The following EYS variants were observed in gnomAD, a reference collection of about 807,000 sequenced individuals.
EYS encodes protein eyes shut homolog.
EYS carries 250 observed loss-of-function variants against 282.1 expected under a neutral mutation model. The observed-to-expected ratio is 0.89, with a 90% CI of 0.80 to 0.98. EYS has a LOEUF of 0.98. Among genes scored for constraint, EYS ranks in the 50% least tolerant of loss-of-function variants. The pLI, the probability that EYS is intolerant of heterozygous loss-of-function variation, is 0.00. For synonymous variants in EYS, 1,355 were observed against 1,282.9 expected, an observed-to-expected ratio of 1.06 and a Z score of -1.20; for missense variants, 4,016 against 3,709.0, an observed-to-expected ratio of 1.08 and a Z score of -2.15.
intron 2 of EYS, among the ~76,000 whole-genome samples, chr6:65,611,836 A>G (rs923928933): frequency 1.3e-5 from 2 of 152,078 alleles, no homozygotes; most frequent in African/African-American, 2.4e-5. Flanking sequence ...CAGGATCGTT[A>G]AAAGATCCCC....
intron 7 of EYS, among the ~76,000 whole-genome samples, chr6:65,390,849 A>T (rs915012572): frequency 6.6e-6 from 1 of 152,060 alleles, no homozygotes; most frequent in African/African-American, 2.4e-5. Flanking sequence ...ACAACACTAC[A>T]TGCCAGCCTG....
intron 22 of EYS, among the ~76,000 whole-genome samples, chr6:64,766,151 C>T (rs1187193255): frequency 6.6e-6 from 1 of 151,322 alleles, no homozygotes; most frequent in African/African-American, 2.4e-5. Flanking sequence ...TGGTCTTAAA[C>T]TCCTGACCTC....
chr6:64,588,849 GA>G (rs145778997), intron 26 of EYS, among the ~76,000 whole-genome samples: 14,925 of 151,982 alleles, frequency 0.098, 908 homozygotes, highest in East Asian at 0.17. Context: ...AGAAAGGCAA[GA>G]AAAACTGGAA....
At chr6:65,574,045 A>G (rs1764571753) in intron 2 of EYS, among the ~76,000 whole-genome samples, 1 of 152,154 alleles carries the variant, frequency 6.6e-6, no homozygotes, top group Non-Finnish European at 1.5e-5. Flanking sequence ...ACAGTAACCA[A>G]CATGGCAGTG....
intron 12 of EYS, among the ~76,000 whole-genome samples, chr6:65,231,609 T>G (rs571096885): frequency 6.6e-6 from 1 of 151,866 alleles, no homozygotes; most frequent in Non-Finnish European, 1.5e-5. Flanking sequence ...AGGATAAATG[T>G]GCTATCAAGG....
chr6:65,432,750 T>G (rs544057511), intron 5 of EYS, among the ~76,000 whole-genome samples: 2 of 152,252 alleles, frequency 1.3e-5, no homozygotes, highest in African/African-American at 4.8e-5. Flanking sequence ...TTGAGCAGAA[T>G]TGTTCTCCCT....
Position 64,912,746 on chromosome 6 carries a change from G to T in EYS, c.2382-3C>A. 7.5e-7 allele frequency: 1 copy of T among 1,326,792 alleles called. No homozygotes were observed. The highest frequency in any genetic ancestry group is 9.7e-7 in the Non-Finnish European group (1 of 1,028,856). The allele number at this position is 1,326,792 out of a possible 1,614,324, so 82.2% of individuals were successfully genotyped here. A position where few individuals can be genotyped will look rare whatever the true frequency, so the allele number is the denominator to read the frequency against. ...TCCATCCAGATGTACACTCACATCT[G>T]AAATAAAATATTAAAATTTTTAGAA... On this transcript the variant is annotated splice_region_variant and splice_polypyrimidine_tract_variant and intron_variant, in intron 15 of 42. Transcript: ENST00000503581.
chr6:64,892,783 G>A (rs1217053585), intron 18 of EYS, among the ~76,000 whole-genome samples: 2 of 152,020 alleles, frequency 1.3e-5, no homozygotes, highest in African/African-American at 2.4e-5. Context: ...AAATTCTCTA[G>A]TAGAATAAAC....
At chr6:64,434,602 A>C (rs1328302347) in intron 28 of EYS, among the ~76,000 whole-genome samples, 1 of 152,160 alleles carries the variant, frequency 6.6e-6, no homozygotes, top group East Asian at 1.9e-4. Flanking sequence ...AGCATGGTTC[A>C]TGGGGCCTGT....
At chr6:65,608,065 A>G (rs1765862437) in intron 2 of EYS, among the ~76,000 whole-genome samples, 1 of 152,034 alleles carries the variant, frequency 6.6e-6, no homozygotes, top group African/African-American at 2.4e-5. Flanking sequence ...AATGATATAG[A>G]TAAGTGTCAC....
chr6:65,072,288 A>G (rs1391918448), intron 12 of EYS, among the ~76,000 whole-genome samples: 1 of 151,790 alleles, frequency 6.6e-6, no homozygotes, highest in Non-Finnish European at 1.5e-5. Context: ...AGAAGACTAG[A>G]CAATAGTAGG....
At chr6:64,139,928 A>T (rs961815167) in intron 31 of EYS, among the ~76,000 whole-genome samples, 1 of 151,922 alleles carries the variant, frequency 6.6e-6, no homozygotes, top group Non-Finnish European at 1.5e-5. Context: ...AGATCGCACC[A>T]CTGCACTCCA....
In EYS at chr6:65,544,338, G is replaced by A. The variant is rs551816701; in HGVS notation, c.-332-48345C>T. ...TCCAATTTAATAGTTGCATCTGGCCGGTAACTTTGGCTAAAATTATTTTTG... is the reference window on the plus strand; with the variant it reads ...TCCAATTTAATAGTTGCATCTGGCCAGTAACTTTGGCTAAAATTATTTTTG... On this transcript the variant is annotated intron_variant, in intron 2 of 42. Coordinates refer to ENST00000503581, the MANE Select transcript of EYS (RefSeq NM_001142800.2). 7.2e-5 allele frequency among the ~76,000 whole-genome samples: 11 copies of A among 152,176 alleles called. No individual in the cohort carries two copies. The South Asian group carries it at 8.3e-4, about 11-fold the overall frequency.
chr6:63,795,082 A>AT (rs1277427993), intron 37 of EYS, among the ~76,000 whole-genome samples: 1 of 152,224 alleles, frequency 6.6e-6, no homozygotes, highest in Non-Finnish European at 1.5e-5. Context: ...AGGAAAAAAA[A>AT]CTGGATCTCT....
intron 35 of EYS, among the ~76,000 whole-genome samples, chr6:63,917,228 C>G (rs1764447327): frequency 6.6e-6 from 1 of 152,226 alleles, no homozygotes; most frequent in African/African-American, 2.4e-5. Flanking sequence ...TCAGGGCCAT[C>G]TTTCTGAAGG....
intron 31 of EYS, among the ~76,000 whole-genome samples, chr6:64,220,453 A>G (rs1182204674): frequency 6.6e-6 from 1 of 152,150 alleles, no homozygotes; most frequent in African/African-American, 2.4e-5. Flanking sequence ...GCTGACTTTC[A>G]GCAGACTGGC....
chr6:64,234,855 T>C (rs992799069), intron 30 of EYS, among the ~76,000 whole-genome samples: 1 of 151,250 alleles, frequency 6.6e-6, no homozygotes, highest in South Asian at 2.1e-4. Flanking sequence ...TTCACCCATG[T>C]TGTTGCACGT....
Position 65,001,491 on chromosome 6 carries a change from C to T in EYS, c.2138-3788G>A, listed in dbSNP as rs914550175. On this transcript the variant is annotated intron_variant, in intron 13 of 42. Transcript: ENST00000503581. ...CTGCCTGTCTTACCTCTTCAACTTCCGGTTCACTCTGGAGTCTGAGGTTCA... is the reference window on the plus strand; with the variant it reads ...CTGCCTGTCTTACCTCTTCAACTTCTGGTTCACTCTGGAGTCTGAGGTTCA... 1.3e-4 allele frequency among the ~76,000 whole-genome samples: 19 copies of T among 147,808 alleles called. 2 individuals carry two copies. The highest frequency in any genetic ancestry group is 6.6e-4 in the South Asian group (3 of 4,560).
At chr6:64,333,930 C>T (rs891884935) in intron 29 of EYS, among the ~76,000 whole-genome samples, 1 of 152,182 alleles carries the variant, frequency 6.6e-6, no homozygotes, top group Non-Finnish European at 1.5e-5. Flanking sequence ...AGAATTGATG[C>T]CGCAAGACAA....
Sources: gnomAD v4.1 joint callset for allele counts (sites outside exome capture counted in the v4.1 genomes callset) on GRCh38, gnomAD v4.1.1 for gene constraint, MANE v1.5 for transcripts, NCBI Gene and HGNC (gene_info 2026-07-23, HGNC 2026-07-21) for gene names.